The following TYW1B variants were observed in gnomAD, a reference collection of about 807,000 sequenced individuals.
TYW1B encodes the protein tRNA-yW synthesizing protein 1 homolog B.
Under a neutral mutation model 86.9 loss-of-function variants are expected in TYW1B, and 73 were observed. The observed-to-expected ratio is 0.84, with a 90% CI of 0.70 to 1.02. TYW1B has a LOEUF of 1.02. TYW1B is among the 50% of genes least tolerant of loss of function. TYW1B has a pLI of 0.00. For synonymous variants in TYW1B, 248 were observed against 292.8 expected (o/e 0.85, Z 1.56); for missense variants, 637 against 827.4 (o/e 0.77, Z 2.82).
chr7:72,763,282 CT>C (rs1328471948), intron 7 of TYW1B, among the ~76,000 whole-genome samples: 12,448 of 118,356 alleles, frequency 0.11, 1,017 homozygotes, highest in East Asian at 0.34. Context: ...CTTTTCTTTT[CT>C]TTTTTTTTTT....
intron 11 of TYW1B, among the ~76,000 whole-genome samples, chr7:72,691,647 G>C (rs1814163892): frequency 6.6e-6 from 1 of 152,068 alleles, no homozygotes; most frequent in Non-Finnish European, 1.5e-5. Context: ...ATGTCAGATG[G>C]GCCTGACTTT....
chr7:72,752,811 A>G (rs1787523270), intron 7 of TYW1B, among the ~76,000 whole-genome samples: 1 of 152,224 alleles, frequency 6.6e-6, no homozygotes, highest in South Asian at 2.1e-4. Context: ...TCATATGTCA[A>G]TTATACAGCA....
At chr7:72,756,541 C>T (rs1041773892) in intron 7 of TYW1B, among the ~76,000 whole-genome samples, 4 of 151,882 alleles carry the variant, frequency 2.6e-5, no homozygotes, top group Admixed American at 6.6e-5. Context: ...GGCCTAGTAC[C>T]GTCAGATTTG....
intron 13 of TYW1B, among the ~76,000 whole-genome samples, chr7:72,595,395 T>C (rs1437675743): frequency 6.6e-6 from 1 of 152,166 alleles, no homozygotes; most frequent in Non-Finnish European, 1.5e-5. Flanking sequence ...TCATCAACAA[T>C]AGCCACCATA....
intron 11 of TYW1B, among the ~76,000 whole-genome samples, chr7:72,668,165 C>T (rs1337810596): frequency 1.3e-5 from 2 of 152,150 alleles, no homozygotes; most frequent in East Asian, 1.9e-4. Context: ...AGATAAAATA[C>T]AAATTGTTTT....
intron 7 of TYW1B, among the ~76,000 whole-genome samples, chr7:72,757,810 G>A (rs1302085310): frequency 1.3e-5 from 2 of 152,214 alleles, no homozygotes; most frequent in African/African-American, 2.4e-5. Flanking sequence ...AAATACTTCT[G>A]TAAGGACATC....
intron 11 of TYW1B, among the ~76,000 whole-genome samples, chr7:72,655,020 T>G (rs1554443419): frequency 6.6e-6 from 1 of 152,156 alleles, no homozygotes; most frequent in Non-Finnish European, 1.5e-5. Context: ...TTGTAATTTT[T>G]CTGTAAATCT....
intron 13 of TYW1B, among the ~76,000 whole-genome samples, chr7:72,604,569 G>T (rs1811751937): frequency 6.6e-6 from 1 of 152,122 alleles, no homozygotes; most frequent in Non-Finnish European, 1.5e-5. Context: ...GCTTCCACTG[G>T]CTGTGACCCG....
rs1788945016 is a variant in TYW1B, at chr7:72,826,973, T to A, written c.17A>T (p.Asp6Val). 6.2e-7 allele frequency: 1 copy of A among 1,605,994 alleles called. No individual in the cohort carries two copies. The highest frequency in any genetic ancestry group is 1.3e-5 in the African/African-American group (1 of 74,374). Residue 6 changes from aspartate (D) to valine (V), a missense_variant, in exon 2 of 14, where the codon GAT becomes GTT. Asp to Val is a radical substitution (Grantham distance 152). Coordinates refer to ENST00000620995, the MANE Select transcript of TYW1B (RefSeq NM_001145440.3). Reference sequence around the variant, plus strand: ...TAAAGGTGAGGAGAGGTCCCATGTATCCGCAGAAGGATCTAAATTTAAAAT... The same window carrying A: ...TAAAGGTGAGGAGAGGTCCCATGTAACCGCAGAAGGATCTAAATTTAAAAT... MDPSA[D>V]TWDLSSPLIS...
chr7:72,740,105 C>T (rs1554461786), intron 8 of TYW1B, among the ~76,000 whole-genome samples: 2 of 150,438 alleles, frequency 1.3e-5, no homozygotes, highest in Admixed American at 6.6e-5. Context: ...TGGTGGCGGG[C>T]GCCTGCAATC....
At chr7:72,824,846 G>A (rs2129572993) in intron 2 of TYW1B, among the ~76,000 whole-genome samples, 1 of 152,220 alleles carries the variant, frequency 6.6e-6, no homozygotes, top group East Asian at 1.9e-4. Context: ...GCTCACGACT[G>A]TAATCCCAAC....
chr7:72,676,442 T>C (rs1386896075), intron 11 of TYW1B, among the ~76,000 whole-genome samples: 1 of 152,132 alleles, frequency 6.6e-6, no homozygotes, highest in Non-Finnish European at 1.5e-5. Context: ...CTATATTTAG[T>C]TCAATAATGA....
chr7:72,666,589 T>C (rs1813467831), intron 11 of TYW1B, among the ~76,000 whole-genome samples: 1 of 152,114 alleles, frequency 6.6e-6, no homozygotes, highest in Non-Finnish European at 1.5e-5. Flanking sequence ...CACTGGCTGA[T>C]CTAAGATGAT....
At chr7:72,782,303 T>C (rs1229980481) in intron 6 of TYW1B, among the ~76,000 whole-genome samples, 1 of 151,708 alleles carries the variant, frequency 6.6e-6, no homozygotes, top group South Asian at 2.1e-4. Flanking sequence ...AATAAAAAAA[T>C]TTAAAAAAAA....
At position 72,810,501 on chromosome 7, in the gene TYW1B, T is replaced by C. The variant is rs181211131; in HGVS notation, c.402A>G (p.Gly134=). 3.6e-5 allele frequency: 58 copies of C among 1,613,674 alleles called. No individual in the cohort carries two copies. In the East Asian group the frequency reaches 1.2e-3, roughly 32 times the overall value. ...KGMRDAVFGL[G]NSAYASHFNK... ...TGAAGTGGCTAGCATAGGCAGAATT[T>C]CCCAGGCCAAATACCGCATCTCTCA... Residue 134 remains glycine, a synonymous_variant, in exon 4 of 14, where the codon GGA becomes GGG. Coordinates refer to ENST00000620995, the MANE Select transcript of TYW1B (RefSeq NM_001145440.3).
intron 2 of TYW1B, among the ~76,000 whole-genome samples, chr7:72,816,206 G>A (rs1172131432): frequency 2.0e-5 from 3 of 151,780 alleles, no homozygotes; most frequent in African/African-American, 2.4e-5. Context: ...GTAAAACCCC[G>A]TCTCTACTAA....
At chr7:72,719,205 G>C (rs1158977191) in intron 9 of TYW1B, among the ~76,000 whole-genome samples, 6 of 151,662 alleles carry the variant, frequency 4.0e-5, no homozygotes, top group African/African-American at 1.2e-4. Context: ...CTGGAGTGCA[G>C]TGATGTGATC....
rs145987578 is a variant in TYW1B, at chr7:72,703,671, A to G, written c.1371-8849T>C. ...GGAGTTCGAGACCAGCCTAGCCAAC[A>G]TGGTGAAACCATGTTTCTCTCAGAA... On this transcript the variant is annotated intron_variant, in intron 10 of 13. Coordinates refer to ENST00000620995, the MANE Select transcript of TYW1B (RefSeq NM_001145440.3). Among the ~76,000 whole-genome samples, 3 of 151,966 alleles carry G rather than the reference A, an allele frequency of 2.0e-5. No homozygotes were observed. The East Asian group carries it at 5.9e-4, about 30-fold the overall frequency.
At chr7:72,642,717 A>G (rs565795767) in intron 11 of TYW1B, among the ~76,000 whole-genome samples, 1 of 152,286 alleles carries the variant, frequency 6.6e-6, no homozygotes, top group Non-Finnish European at 1.5e-5. Context: ...CCTGGCCAAT[A>G]TGGTGAAACT....
Sources: allele counts gnomAD v4.1 joint callset (sites outside exome capture counted in the v4.1 genomes callset), GRCh38; gene constraint gnomAD v4.1.1; transcripts MANE v1.5; gene names NCBI Gene and HGNC (gene_info 2026-07-23, HGNC 2026-07-21).